The following TNR variants were observed in gnomAD, a reference collection of about 807,000 sequenced individuals.
The protein encoded by TNR is tenascin-R.
In TNR, 45 loss-of-function variants were observed where a neutral mutation model predicts 150.4. The observed-to-expected ratio is 0.30, with a 90% CI of 0.24 to 0.38. TNR has a LOEUF of 0.38. TNR is among the 10% of genes least tolerant of loss of function. The pLI, the probability that TNR is intolerant of heterozygous loss-of-function variation, is 1.00. For missense variants in TNR, 1,544 were observed against 1,759.1 expected (o/e 0.88, Z 2.19); for synonymous variants, 687 against 678.4 (o/e 1.01, Z -0.20).
At chr1:175,727,089 C>T (rs1667501470) in intron 1 of TNR, among the ~76,000 whole-genome samples, 1 of 152,192 alleles carries the variant, frequency 6.6e-6, no homozygotes, top group Admixed American at 6.5e-5. Flanking sequence ...AGGGGGCTGC[C>T]TAAGCAATGA....
chr1:175,445,224 C>A (rs768335884), intron 2 of TNR, among the ~76,000 whole-genome samples: 1 of 152,000 alleles, frequency 6.6e-6, no homozygotes, highest in African/African-American at 2.4e-5. Flanking sequence ...GAGCCAAGAT[C>A]GCACCACTTC....
intron 2 of TNR, among the ~76,000 whole-genome samples, chr1:175,508,042 TA>T (rs1443080002): frequency 5.3e-5 from 8 of 152,052 alleles, no homozygotes; most frequent in Non-Finnish European, 1.2e-4. Context: ...TTCTCACTTG[TA>T]AGTGGGAGTT....
chr1:175,546,374 G>A (rs1660688115), intron 1 of TNR, among the ~76,000 whole-genome samples: 1 of 152,188 alleles, frequency 6.6e-6, no homozygotes, highest in African/African-American at 2.4e-5. Flanking sequence ...AGGCTACAGA[G>A]TGACAGAATC....
intron 2 of TNR, among the ~76,000 whole-genome samples, chr1:175,455,854 A>C (rs1478823257): frequency 3.3e-5 from 5 of 152,076 alleles, no homozygotes; most frequent in Admixed American, 2.6e-4. Context: ...CTGGGTTCCA[A>C]CTCCCACGGA....
At chr1:175,440,235 T>G (rs1655720069) in intron 2 of TNR, among the ~76,000 whole-genome samples, 1 of 152,094 alleles carries the variant, frequency 6.6e-6, no homozygotes, top group Admixed American at 6.6e-5. Flanking sequence ...GGGACATGGA[T>G]GAAGCTGGAA....
rs376170669 is a variant in TNR at position 175,362,643 on chromosome 1, C to T, written c.2854+20G>A. On this transcript the variant is annotated intron_variant, in intron 14 of 22. Transcript: ENST00000367674. Reference sequence around the variant, plus strand: ...CTTCAGCCAGGGTTCTGACTTGACACAGCAGGGAGACATTCCCACCTGTGT... The same window carrying T: ...CTTCAGCCAGGGTTCTGACTTGACATAGCAGGGAGACATTCCCACCTGTGT... The T allele has an allele frequency of 9.8e-5, 158 of 1,610,192 alleles. No individual in the cohort carries two copies. The highest frequency in any genetic ancestry group is 3.1e-4 in the African/African-American group (23 of 74,978).
At chr1:175,481,287 T>A (rs771703882) in intron 2 of TNR, among the ~76,000 whole-genome samples, 6 of 152,214 alleles carry the variant, frequency 3.9e-5, no homozygotes, top group Admixed American at 3.3e-4. Context: ...GATTTAAGTA[T>A]GTGGTAATAC....
intron 2 of TNR, among the ~76,000 whole-genome samples, chr1:175,418,278 A>G (rs1255747718): frequency 3.9e-5 from 6 of 152,176 alleles, no homozygotes; most frequent in Admixed American, 2.6e-4. Context: ...CATGAGAAGT[A>G]CCATACCAGA....
At chr1:175,371,342 A>C (rs1652097811) in intron 9 of TNR, among the ~76,000 whole-genome samples, 1 of 152,102 alleles carries the variant, frequency 6.6e-6, no homozygotes, top group Non-Finnish European at 1.5e-5. Context: ...TGCTTTTCTC[A>C]ACTCTTTCAC....
At chr1:175,456,534 A>G (rs1458607253) in intron 2 of TNR, among the ~76,000 whole-genome samples, 1 of 152,268 alleles carries the variant, frequency 6.6e-6, no homozygotes, top group Non-Finnish European at 1.5e-5. Context: ...TCTCCTAAGT[A>G]AAAGTAGTTG....
chr1:175,371,080 A>AC (rs1480480627), intron 9 of TNR, among the ~76,000 whole-genome samples: 4 of 151,616 alleles, frequency 2.6e-5, no homozygotes, highest in East Asian at 1.9e-4. Context: ...AAAAAAAAAA[A>AC]ACCACATGTA....
At chr1:175,362,519 G>A in intron 14 of TNR, 144 bp downstream of exon 14, 1 of 926,834 alleles carries the variant, frequency 1.1e-6, no homozygotes. Flanking sequence ...GAGAGAAATT[G>A]CAAATTGCCC....
At position 175,323,259 on chromosome 1, in the gene TNR, G is replaced by A; in HGVS notation, c.*98C>T. The stretch of plus-strand genomic sequence containing the variant: ...TGCTTCCTTCACATACTCTTAATAT[G>A]TTGCAAAACACATTGCTATTACCCT... On this transcript the variant is annotated 3_prime_UTR_variant, in exon 23 of 23. Transcript: ENST00000367674. The A allele has an allele frequency of 6.7e-7, 1 of 1,496,744 alleles. No individual in the cohort carries two copies. Among genetic ancestry groups the A allele is most frequent in the Non-Finnish European group, 9.1e-7 (1 of 1,098,394 alleles). The allele number at this position is 1,496,744 out of a possible 1,614,324, so 92.7% of individuals were successfully genotyped here. A position where few individuals can be genotyped will look rare whatever the true frequency, so the allele number is the denominator to read the frequency against.
At chr1:175,523,059 T>C (rs1330246742) in intron 2 of TNR, among the ~76,000 whole-genome samples, 4 of 152,350 alleles carry the variant, frequency 2.6e-5, no homozygotes, top group Non-Finnish European at 5.9e-5. Context: ...TGCTCTGCAA[T>C]TCTCTGTCTC....
rs1291464267 is a variant in TNR, at chr1:175,365,995, G to A, written c.2197C>T (p.Pro733Ser). 1.9e-6 allele frequency: 3 copies of A among 1,614,158 alleles called. No homozygotes were observed. Among genetic ancestry groups the A allele is most frequent in the Admixed American group, 1.7e-5 (1 of 60,022 alleles). ...SSGIASEVTV[P>S]KDRTSYTLTD... is the part of the protein sequence containing the mutation. ...AGTGTGTATGAGGTCCTGTCCTTGG[G>A]TACGGTGACTTCTGAGGCAATCCCA... Residue 733 changes from proline (P) to serine (S), a missense_variant, in exon 11 of 23, where the codon CCC becomes TCC. Coordinates refer to ENST00000367674, the MANE Select transcript of TNR (RefSeq NM_003285.3).
chr1:175,325,672 G>A (rs1419536632), intron 21 of TNR, among the ~76,000 whole-genome samples: 4 of 152,278 alleles, frequency 2.6e-5, no homozygotes, highest in Non-Finnish European at 2.9e-5. Context: ...TCTATACCAT[G>A]GAATACTATG....
At chr1:175,710,558 G>A (rs1666982391) in intron 1 of TNR, among the ~76,000 whole-genome samples, 1 of 152,076 alleles carries the variant, frequency 6.6e-6, no homozygotes, top group African/African-American at 2.4e-5. Context: ...GCCAAGTGAA[G>A]AGGCCCTCAG....
intron 2 of TNR, among the ~76,000 whole-genome samples, chr1:175,418,728 A>G (rs1013704555): frequency 7.9e-5 from 12 of 151,564 alleles, no homozygotes; most frequent in South Asian, 4.1e-4. Flanking sequence ...GAGAGAAAAA[A>G]AAAAAAAGGC....
chr1:175,455,351 T>C (rs973972487), intron 2 of TNR, among the ~76,000 whole-genome samples: 1 of 152,244 alleles, frequency 6.6e-6, no homozygotes, highest in African/African-American at 2.4e-5. Context: ...ACAAGGCCGA[T>C]ACAATATTCC....
Sources: allele counts gnomAD v4.1 joint callset (sites outside exome capture counted in the v4.1 genomes callset), GRCh38; gene constraint gnomAD v4.1.1; transcripts MANE v1.5; gene names NCBI Gene and HGNC (gene_info 2026-07-23, HGNC 2026-07-21).